LRRC4C: variants seen among roughly 807,000 people sequenced by gnomAD.
LRRC4C encodes leucine rich repeat containing 4C, also known as leucine-rich repeat-containing protein 4C.
A neutral mutation model predicts 33.6 loss-of-function variants in LRRC4C; 5 were observed. That is an observed-to-expected ratio of 0.15 (90% CI 0.08 to 0.31). LRRC4C has a LOEUF of 0.31. Among genes scored for constraint, LRRC4C ranks in the 10% least tolerant of loss-of-function variants. The pLI is 1.00. For synonymous variants in LRRC4C, 329 were observed against 302.0 expected, an observed-to-expected ratio of 1.09 and a Z score of -0.93; for missense variants, 560 against 796.7, an observed-to-expected ratio of 0.70 and a Z score of 3.58.
intron 1 of LRRC4C, among the ~76,000 whole-genome samples, chr11:41,321,926 G>A (rs750463426): frequency 1.1e-4 from 16 of 151,796 alleles, no homozygotes; most frequent in East Asian, 3.9e-4. Flanking sequence ...GTGCAATGGC[G>A]TGATCTCAGT....
At chr11:41,054,739 G>A (rs549471524) in intron 1 of LRRC4C, among the ~76,000 whole-genome samples, 254 of 152,266 alleles carry the variant, frequency 1.7e-3, no homozygotes, top group Non-Finnish European at 3.2e-3. Flanking sequence ...AGGCTGTAAG[G>A]ATCCAGCTGT....
chr11:40,197,112 C>G (rs559928349), intron 5 of LRRC4C, among the ~76,000 whole-genome samples: 1 of 152,308 alleles, frequency 6.6e-6, no homozygotes, highest in Non-Finnish European at 1.5e-5. Context: ...CTATTAGCTT[C>G]ACTCAGAAAT....
intron 3 of LRRC4C, among the ~76,000 whole-genome samples, chr11:40,469,847 G>A (rs1590837836): frequency 6.6e-6 from 1 of 152,174 alleles, no homozygotes; most frequent in South Asian, 2.1e-4. Context: ...TCCTCTCTGG[G>A]AAGGGCATCC....
intron 1 of LRRC4C, among the ~76,000 whole-genome samples, chr11:41,099,158 G>A (rs1941002777): frequency 6.6e-6 from 1 of 151,854 alleles, no homozygotes; most frequent in African/African-American, 2.4e-5. Context: ...CCTGGAATAG[G>A]CCAATAATGA....
chr11:40,383,920 A>AATTATTATTATTATTATT (rs143241296), intron 3 of LRRC4C, among the ~76,000 whole-genome samples: 3,137 of 135,340 alleles, frequency 0.023, 41 homozygotes, highest in Non-Finnish European at 0.031. Flanking sequence ...TTTTAATTCA[A>AATTATTATTATTATTATT]ATTATTATTA....
In LRRC4C at chr11:40,979,905, T is replaced by G. The variant is rs534308584; in HGVS notation, c.-495-46182A>C. 5.9e-5 allele frequency among the ~76,000 whole-genome samples: 9 copies of G among 152,304 alleles called. No homozygotes were observed. In the East Asian group the frequency reaches 1.7e-3, roughly 29 times the overall value. The stretch of plus-strand genomic sequence containing the variant: ...ATAGACATATTTTATATTTATCAGC[T>G]TCCTCTCTGTGGAGAAATATAACAA... On this transcript the variant is annotated intron_variant, in intron 1 of 6. Transcript: ENST00000528697.
intron 3 of LRRC4C, among the ~76,000 whole-genome samples, chr11:40,535,394 C>G (rs781016644): frequency 6.6e-6 from 1 of 152,204 alleles, no homozygotes. Flanking sequence ...CCTTGATTCA[C>G]TGGTTGAAAT....
intron 2 of LRRC4C, among the ~76,000 whole-genome samples, chr11:40,921,934 CTG>C (rs1249944897): frequency 6.6e-6 from 1 of 152,190 alleles, no homozygotes; most frequent in Non-Finnish European, 1.5e-5. Context: ...ATCCTCTACT[CTG>C]TAATATTCCT....
intron 3 of LRRC4C, among the ~76,000 whole-genome samples, chr11:40,507,832 T>C (rs916028144): frequency 6.6e-6 from 1 of 151,540 alleles, no homozygotes; most frequent in East Asian, 2.0e-4. Context: ...CTCCACCTCC[T>C]GGATTCAAGC....
intron 1 of LRRC4C, among the ~76,000 whole-genome samples, chr11:41,410,186 G>T (rs76338876): frequency 0.025 from 3,846 of 152,156 alleles, 60 homozygotes; most frequent in African/African-American, 0.052. Context: ...TCCAGTCTAG[G>T]GTGAGCTCTT....
chr11:41,031,875 T>C (rs1253143889), intron 1 of LRRC4C, among the ~76,000 whole-genome samples: 1 of 152,004 alleles, frequency 6.6e-6, no homozygotes, highest in Non-Finnish European at 1.5e-5. Context: ...TCTGGATACA[T>C]GCCAGAAGCT....
intron 5 of LRRC4C, among the ~76,000 whole-genome samples, chr11:40,220,247 T>G (rs1457109263): frequency 6.6e-6 from 1 of 152,162 alleles, no homozygotes; most frequent in Non-Finnish European, 1.5e-5. Context: ...ATGTCAAGAT[T>G]TATGACAGAA....
At chr11:40,464,778 G>T (rs967050811) in intron 3 of LRRC4C, among the ~76,000 whole-genome samples, 1 of 151,710 alleles carries the variant, frequency 6.6e-6, no homozygotes, top group Non-Finnish European at 1.5e-5. Context: ...TCTCCACAGA[G>T]AAAAACTACA....
At chr11:41,278,428 C>T (rs983878969) in intron 1 of LRRC4C, among the ~76,000 whole-genome samples, 1 of 152,168 alleles carries the variant, frequency 6.6e-6, no homozygotes, top group Non-Finnish European at 1.5e-5. Context: ...AAGAATCTAT[C>T]GATGACATTA....
At chr11:41,349,984 A>C (rs561557713) in intron 1 of LRRC4C, among the ~76,000 whole-genome samples, 1 of 152,098 alleles carries the variant, frequency 6.6e-6, no homozygotes, top group South Asian at 2.1e-4. Context: ...GGCTTAATAA[A>C]AGACAGCCAG....
intron 1 of LRRC4C, among the ~76,000 whole-genome samples, chr11:40,977,400 G>A (rs1322523435): frequency 7.9e-5 from 12 of 152,050 alleles, no homozygotes; most frequent in Admixed American, 6.6e-4. Context: ...CTTTTTCAAC[G>A]TATCTGTAGG....
intron 1 of LRRC4C, among the ~76,000 whole-genome samples, chr11:41,217,348 C>T (rs1483744500): frequency 6.6e-6 from 1 of 152,012 alleles, no homozygotes; most frequent in Non-Finnish European, 1.5e-5. Flanking sequence ...ATTTTTAAAG[C>T]AGGACTTCAA....
chr11:40,770,394 G>T (rs1009966758), intron 2 of LRRC4C, among the ~76,000 whole-genome samples: 2 of 152,090 alleles, frequency 1.3e-5, no homozygotes, highest in Admixed American at 6.6e-5. Flanking sequence ...CACCCACAAG[G>T]TCTCTTCCCC....
intron 5 of LRRC4C, among the ~76,000 whole-genome samples, chr11:40,145,893 C>T (rs1350711019): frequency 6.6e-6 from 1 of 152,032 alleles, no homozygotes; most frequent in Non-Finnish European, 1.5e-5. Context: ...GGGCATATAC[C>T]AGGAAATGAA....
Sources: allele counts gnomAD v4.1 joint callset (sites outside exome capture counted in the v4.1 genomes callset), GRCh38; gene constraint gnomAD v4.1.1; transcripts MANE v1.5; gene names NCBI Gene and HGNC (gene_info 2026-07-23, HGNC 2026-07-21).